The following ATP2B1 variants were observed in gnomAD, a reference collection of about 807,000 sequenced individuals.
ATP2B1 encodes ATPase plasma membrane Ca2+ transporting 1, also known as plasma membrane calcium-transporting ATPase 1.
In ATP2B1, 14 loss-of-function variants were observed where a neutral mutation model predicts 124.2. The observed-to-expected ratio is 0.11, with a 90% confidence interval of 0.07 to 0.18. ATP2B1 has a LOEUF of 0.18. Among genes scored for constraint, ATP2B1 ranks in the 10% least tolerant of loss-of-function variants. The probability of loss-of-function intolerance (pLI) is 1.00; values close to 1 mark genes in which losing one functional copy is unlikely to be tolerated. For synonymous variants in ATP2B1, 449 were observed against 492.4 expected, an observed-to-expected ratio of 0.91 and a Z score of 1.17; for missense variants, 763 against 1,466.1, an observed-to-expected ratio of 0.52 and a Z score of 7.83.
chr12:89,695,469 TA>T (rs1381183377), intron 1 of ATP2B1, among the ~76,000 whole-genome samples: 1 of 151,760 alleles, frequency 6.6e-6, no homozygotes, highest in South Asian at 2.1e-4. Context: ...AAATGAGAAT[TA>T]AAAAAAAGAA....
At chr12:89,611,003 C>T (rs892155064) in intron 13 of ATP2B1, among the ~76,000 whole-genome samples, 190 bp downstream of exon 13, 7 of 152,110 alleles carry the variant, frequency 4.6e-5, no homozygotes, top group Admixed American at 6.6e-5. Flanking sequence ...TGCTTACTCC[C>T]TTTAGTACCA....
Position 89,679,088 on chromosome 12 carries a change from A to G in ATP2B1, c.-221-22981T>C, listed in dbSNP as rs147461592. ...AAAATCACTATTTTAGGCTCTCAGA[A>G]AAAGGTAAACATTACAATAACTTTT... is the stretch of plus-strand genomic sequence containing the variant. On this transcript the variant is annotated intron_variant, in intron 1 of 20. Coordinates refer to ENST00000428670, the MANE Select transcript of ATP2B1 (RefSeq NM_001366521.1). Among the ~76,000 whole-genome samples the G allele has an allele frequency of 2.2e-3, 332 of 152,288 alleles. 1 individual carries two copies. The highest frequency in any genetic ancestry group is 7.7e-3 in the African/African-American group (320 of 41,570).
chr12:89,601,563 A>T, intron 18 of ATP2B1, 130 bp from the exon 19 acceptor site: 2 of 490,842 alleles, frequency 4.1e-6, no homozygotes, highest in Non-Finnish European at 6.9e-6. Flanking sequence ...GTATTATATT[A>T]GTCACAACTG....
intron 1 of ATP2B1, among the ~76,000 whole-genome samples, chr12:89,681,272 T>C (rs1372546441): frequency 6.6e-6 from 1 of 151,594 alleles, no homozygotes; most frequent in Non-Finnish European, 1.5e-5. Flanking sequence ...TCTATGAAAA[T>C]AAATCTTAAA....
At chr12:89,678,526 G>A (rs900701335) in intron 1 of ATP2B1, among the ~76,000 whole-genome samples, 2 of 152,132 alleles carry the variant, frequency 1.3e-5, no homozygotes, top group Admixed American at 1.3e-4. Context: ...ATCAGAAGTA[G>A]TAAAGATGGT....
chr12:89,654,101 A>C (rs1369696674), intron 2 of ATP2B1, among the ~76,000 whole-genome samples: 1 of 152,244 alleles, frequency 6.6e-6, no homozygotes, highest in Non-Finnish European at 1.5e-5. Context: ...TGAGAATAGC[A>C]TACTAATGTA....
chr12:89,704,662 C>T (rs1268312176), intron 1 of ATP2B1, among the ~76,000 whole-genome samples: 1 of 152,100 alleles, frequency 6.6e-6, no homozygotes, highest in Non-Finnish European at 1.5e-5. Context: ...CTGCCTTACT[C>T]ACCACACAGG....
At chr12:89,707,076 AAG>A (rs1334354849) in intron 1 of ATP2B1, among the ~76,000 whole-genome samples, 1 of 152,188 alleles carries the variant, frequency 6.6e-6, no homozygotes, top group African/African-American at 2.4e-5. Context: ...GATAAAGAAA[AAG>A]AGAGGGGAGG....
chr12:89,676,968 C>A (rs1888684591), intron 1 of ATP2B1, among the ~76,000 whole-genome samples: 1 of 151,988 alleles, frequency 6.6e-6, no homozygotes. Context: ...AACTTGTATG[C>A]ATTATGGACC....
chr12:89,677,029 C>T (rs1888693721), intron 1 of ATP2B1, among the ~76,000 whole-genome samples: 1 of 116,642 alleles, frequency 8.6e-6, no homozygotes, highest in African/African-American at 3.0e-5. Flanking sequence ...CCACCACCAC[C>T]ACCACCACCA....
At chr12:89,702,764 T>C (rs372724891) in intron 1 of ATP2B1, among the ~76,000 whole-genome samples, 5 of 152,294 alleles carry the variant, frequency 3.3e-5, no homozygotes, top group East Asian at 3.9e-4. Flanking sequence ...CAGGTGACAG[T>C]AGTATTACTA....
chr12:89,622,944 T>C (rs1880244996), intron 9 of ATP2B1, among the ~76,000 whole-genome samples: 2 of 152,208 alleles, frequency 1.3e-5, no homozygotes, highest in African/African-American at 2.4e-5. Flanking sequence ...AATGAACTAA[T>C]GGCAGTTCGG....
At chr12:89,678,007 CACACACACACAT>C (rs1565905061) in intron 1 of ATP2B1, among the ~76,000 whole-genome samples, 2 of 138,100 alleles carry the variant, frequency 1.4e-5, no homozygotes, top group African/African-American at 2.7e-5. Context: ...CACACACACA[CACACACACACAT>C]ATACAGAATG....
At chr12:89,686,147 GAA>G in intron 1 of ATP2B1, among the ~76,000 whole-genome samples, 2 of 152,080 alleles carry the variant, frequency 1.3e-5, no homozygotes, top group Middle Eastern at 6.8e-3. Context: ...TTTAAAGAAA[GAA>G]AATTTTCTAA....
Position 89,624,363 on chromosome 12 carries a change from T to G in ATP2B1, c.1164A>C (p.Leu388=). 6.2e-7 allele frequency: 1 copy of G among 1,613,970 alleles called. No individual in the cohort carries two copies. The highest frequency in any genetic ancestry group is 8.5e-7 in the Non-Finnish European group (1 of 1,179,914). Residue 388 remains leucine (L), a synonymous_variant, in exon 9 of 21, where the codon CTA becomes CTC. Transcript: ENST00000428670. Reference sequence around the variant, plus strand: ...AGGTGTCAATGACAAAATATAATACTAGAATGATAACTGTGATGGCAGACA... The same window carrying G: ...AGGTGTCAATGACAAAATATAATACGAGAATGATAACTGTGATGGCAGACA... The part of the protein sequence containing the change: ...LLMSAITVII[L]VLYFVIDTFW...
intron 1 of ATP2B1, among the ~76,000 whole-genome samples, chr12:89,672,047 G>A (rs1019041606): frequency 6.6e-6 from 1 of 152,142 alleles, no homozygotes; most frequent in Non-Finnish European, 1.5e-5. Context: ...GAAATCTCTA[G>A]AGTAGAAAGA....
At position 89,590,837 on chromosome 12, in the gene ATP2B1, A is replaced by T. The variant is rs879404210; in HGVS notation, c.*147T>A. ...CAGAAAGCTTTGCTTTTTTTTTTTT[A>T]AAAAAATAAATCTACATTCGTACAA... On this transcript the variant is annotated 3_prime_UTR_variant, in exon 21 of 21. Transcript: ENST00000428670. 1.1e-3 allele frequency: 931 copies of T among 831,992 alleles called. 1 individual carries two copies. The highest frequency in any genetic ancestry group is 1.0e-3 in the Middle Eastern group (3 of 2,870). The allele number at this position is 831,992 out of a possible 1,614,324, so 51.5% of individuals were successfully genotyped here.
rs1315821079 is a variant in ATP2B1, at chr12:89,600,125, T to TA, written c.3169-827dup. Among the ~76,000 whole-genome samples, 5 of 152,300 alleles carry TA rather than the reference T, an allele frequency of 3.3e-5. No homozygotes were observed. The East Asian group carries it at 9.6e-4, about 29-fold the overall frequency. ...ACCATGGTACACTTAGTATGGGTCT[T>TA]ACTTAAAAGATGATCTCTATTAATG... is the stretch of plus-strand genomic sequence containing the variant. On this transcript the variant is annotated intron_variant, in intron 19 of 20. Coordinates refer to ENST00000428670, the MANE Select transcript of ATP2B1 (RefSeq NM_001366521.1).
At chr12:89,597,047 G>A (rs1212923094) in intron 20 of ATP2B1, among the ~76,000 whole-genome samples, 1 of 152,124 alleles carries the variant, frequency 6.6e-6, no homozygotes. Flanking sequence ...TTACTACCAT[G>A]TAGAAATTTC....
Sources: allele counts gnomAD v4.1 joint callset (sites outside exome capture counted in the v4.1 genomes callset), GRCh38; gene constraint gnomAD v4.1.1; transcripts MANE v1.5; gene names NCBI Gene and HGNC (gene_info 2026-07-23, HGNC 2026-07-21).